The following ZNF536 variants were observed in gnomAD, a reference collection of about 807,000 sequenced individuals.
ZNF536 encodes zinc finger protein 536.
A neutral mutation model predicts 84.5 loss-of-function variants in ZNF536; 13 were observed. The observed-to-expected ratio is 0.15, with a 90% CI of 0.10 to 0.24. The LOEUF is 0.24. ZNF536 is among the 10% of genes least tolerant of loss of function. The pLI, the probability that ZNF536 is intolerant of heterozygous loss-of-function variation, is 1.00. For synonymous variants in ZNF536, 811 were observed against 742.5 expected, an observed-to-expected ratio of 1.09 and a Z score of -1.50; for missense variants, 1,536 against 1,747.5, an observed-to-expected ratio of 0.88 and a Z score of 2.16.
intron 1 of ZNF536, among the ~76,000 whole-genome samples, chr19:30,695,038 G>A (rs2051598520): frequency 6.6e-6 from 1 of 152,244 alleles, no homozygotes; most frequent in Non-Finnish European, 1.5e-5. Context: ...GAGAATGGGA[G>A]GAAGAGCGTA....
chr19:30,305,486 T>C (rs1314339622), intron 2 of ZNF536, among the ~76,000 whole-genome samples: 1 of 152,214 alleles, frequency 6.6e-6, no homozygotes, highest in Non-Finnish European at 1.5e-5. Flanking sequence ...GTATTTAATG[T>C]TCTTAGGAGA....
intron 1 of ZNF536, among the ~76,000 whole-genome samples, chr19:30,634,805 C>T (rs1024862519): frequency 5.3e-5 from 8 of 151,918 alleles, no homozygotes; most frequent in Admixed American, 4.6e-4. Context: ...GCTGCATCTC[C>T]AGACCCCCTT....
intron 1 of ZNF536, among the ~76,000 whole-genome samples, chr19:30,439,947 TTTTCTTTC>T (rs899254162): frequency 7.0e-6 from 1 of 143,286 alleles, no homozygotes; most frequent in African/African-American, 2.7e-5. Flanking sequence ...TTTCTTTTCT[TTTTCTTTC>T]TTTCTTTTTT....
At chr19:30,365,148 A>G (rs2048385846) in intron 3 of ZNF536, among the ~76,000 whole-genome samples, 1 of 152,264 alleles carries the variant, frequency 6.6e-6, no homozygotes, top group Admixed American at 6.5e-5. Flanking sequence ...TTGTTTACTC[A>G]GGGTATAAAT....
At chr19:30,285,617 C>A (rs971854581) in intron 2 of ZNF536, among the ~76,000 whole-genome samples, 2 of 152,150 alleles carry the variant, frequency 1.3e-5, no homozygotes, top group Admixed American at 6.5e-5. Context: ...GGCTTTAAAC[C>A]GCTTCCCCAG....
chr19:30,483,756 C>A, intron 2 of ZNF536, among the ~76,000 whole-genome samples: 1 of 152,130 alleles, frequency 6.6e-6, no homozygotes, highest in African/African-American at 2.4e-5. Flanking sequence ...GATCATGTCA[C>A]TTCTCAGTTT....
chr19:30,589,986 A>C (rs2047221157), intron 1 of ZNF536, among the ~76,000 whole-genome samples: 4 of 152,214 alleles, frequency 2.6e-5, no homozygotes, highest in Non-Finnish European at 5.9e-5. Flanking sequence ...CTTTAAAGAT[A>C]GTAAAATGTT....
upstream of ZNF536, among the ~76,000 whole-genome samples, chr19:30,226,701 T>G (rs1281988271): frequency 6.6e-6 from 1 of 151,806 alleles, no homozygotes; most frequent in East Asian, 1.9e-4. The surrounding 1 kb of genome is among the most constrained non-coding windows in gnomAD (Gnocchi z 4.6). Flanking sequence ...AGTAACAGGT[T>G]ATGGAGGGAA....
chr19:30,649,733 C>T (rs1011625182), intron 1 of ZNF536, among the ~76,000 whole-genome samples: 1 of 151,962 alleles, frequency 6.6e-6, no homozygotes, highest in Non-Finnish European at 1.5e-5. Flanking sequence ...TCATCCTAAC[C>T]CCTAGGACCT....
Position 30,481,826 on chromosome 19 carries a change from C to T in ZNF536, c.2170+36094C>T, listed in dbSNP as rs79378872. ...GTAGTCTTTTATCCCTCACCCCTCC[C>T]GCCCTCACCACCTCCCCAAAGTCCA... On this transcript the variant is annotated intron_variant, in intron 2 of 4. Transcript: ENST00000355537. Among the ~76,000 whole-genome samples the T allele has an allele frequency of 2.0e-4, 30 of 152,202 alleles. No individual in the cohort carries two copies. The East Asian group carries it at 2.7e-3, about 14-fold the overall frequency.
At chr19:30,435,333 TG>T (rs2051688358) in intron 1 of ZNF536, among the ~76,000 whole-genome samples, 1 of 150,506 alleles carries the variant, frequency 6.6e-6, no homozygotes, top group Non-Finnish European at 1.5e-5. Flanking sequence ...GTGATGATGA[TG>T]GTGATGGTGG....
At chr19:30,688,904 G>C (rs1199591715) in intron 1 of ZNF536, among the ~76,000 whole-genome samples, 1 of 152,190 alleles carries the variant, frequency 6.6e-6, no homozygotes, top group African/African-American at 2.4e-5. Context: ...TCACCTCCTG[G>C]GGACTGGCTG....
intron 1 of ZNF536, among the ~76,000 whole-genome samples, chr19:30,692,768 G>A (rs933179640): frequency 6.6e-6 from 1 of 152,166 alleles, no homozygotes; most frequent in African/African-American, 2.4e-5. Context: ...TGGCCACGCT[G>A]CACACTAGGA....
At chr19:30,517,647 T>G (rs2044136570) in intron 2 of ZNF536, among the ~76,000 whole-genome samples, 1 of 152,068 alleles carries the variant, frequency 6.6e-6, no homozygotes, top group African/African-American at 2.4e-5. Context: ...ATTAGCTGGG[T>G]GTGGCGGTGC....
chr19:30,268,185 G>A (rs1016715765), intron 1 of ZNF536, among the ~76,000 whole-genome samples: 9 of 151,526 alleles, frequency 5.9e-5, no homozygotes, highest in Non-Finnish European at 1.3e-4. Flanking sequence ...TAGATCCCGC[G>A]TTGTAATTGG....
At chr19:30,432,058 C>CAG (rs1055131165) in intron 1 of ZNF536, among the ~76,000 whole-genome samples, 45 of 150,318 alleles carry the variant, frequency 3.0e-4, no homozygotes, top group African/African-American at 9.5e-4. Flanking sequence ...GAGAGAGAGT[C>CAG]AGAGAGAGAG....
chr19:30,382,977 T>C (rs2049080450), intron 1 of ZNF536, among the ~76,000 whole-genome samples: 2 of 152,280 alleles, frequency 1.3e-5, no homozygotes, highest in South Asian at 4.2e-4. Context: ...ATCAAATATA[T>C]TTCTTTTTCT....
chr19:30,677,686 T>C (rs751632282), intron 1 of ZNF536, among the ~76,000 whole-genome samples: 2 of 152,274 alleles, frequency 1.3e-5, no homozygotes, highest in Non-Finnish European at 2.9e-5. Context: ...TATGTAATTG[T>C]AGAGACTGGG....
At chr19:30,278,719 C>T (rs1010282880) in intron 1 of ZNF536, among the ~76,000 whole-genome samples, 3 of 152,074 alleles carry the variant, frequency 2.0e-5, no homozygotes, top group African/African-American at 2.4e-5. Flanking sequence ...GAACACATCC[C>T]GAATATGCCT....
Sources: gnomAD v4.1 joint callset for allele counts (sites outside exome capture counted in the v4.1 genomes callset) on GRCh38, gnomAD v4.1.1 for gene constraint, Gnocchi (gnomAD v3.1) non-coding constraint, MANE v1.5 for transcripts, NCBI Gene and HGNC (gene_info 2026-07-23, HGNC 2026-07-21) for gene names.